ZDHHC17: variants seen among roughly 807,000 people sequenced by gnomAD.
The protein encoded by ZDHHC17 is palmitoyltransferase ZDHHC17.
A neutral mutation model predicts 90.3 loss-of-function variants in ZDHHC17; 40 were observed. The observed-to-expected ratio is 0.44, with a 90% confidence interval of 0.34 to 0.58. The LOEUF is 0.58. Among genes scored for constraint, ZDHHC17 ranks in the 20% least tolerant of loss-of-function variants. The pLI, the probability that ZDHHC17 is intolerant of heterozygous loss-of-function variation, is 0.01. For missense variants in ZDHHC17, 614 were observed against 780.8 expected, an observed-to-expected ratio of 0.79 and a Z score of 2.55; for synonymous variants, 235 against 252.4, an observed-to-expected ratio of 0.93 and a Z score of 0.65.
At chr12:76,777,529 T>C (rs188991651) in intron 1 of ZDHHC17, among the ~76,000 whole-genome samples, 1 of 152,326 alleles carries the variant, frequency 6.6e-6, no homozygotes, top group African/African-American at 2.4e-5. Flanking sequence ...ACATAAATTT[T>C]GATTCTTCTG....
chr12:76,772,836 C>T (rs970508122), intron 1 of ZDHHC17, among the ~76,000 whole-genome samples: 1 of 151,882 alleles, frequency 6.6e-6, no homozygotes, highest in African/African-American at 2.4e-5. Flanking sequence ...TGAGCCACCG[C>T]GCCCGGCCTT....
At chr12:76,816,202 A>AT (rs1161636370) in intron 7 of ZDHHC17, among the ~76,000 whole-genome samples, 183 bp downstream of exon 7, 2 of 151,878 alleles carry the variant, frequency 1.3e-5, no homozygotes, top group African/African-American at 2.4e-5. Flanking sequence ...TTATTGTCTT[A>AT]TTTTTTTAAA....
intron 1 of ZDHHC17, among the ~76,000 whole-genome samples, chr12:76,787,586 C>A (rs1409552197): frequency 6.6e-6 from 1 of 151,424 alleles, no homozygotes; most frequent in Admixed American, 6.6e-5. Flanking sequence ...ATGCCATCGG[C>A]CATAGAGTGA....
At chr12:76,765,090 G>A (rs926109225) in intron 1 of ZDHHC17, among the ~76,000 whole-genome samples, 3 of 152,224 alleles carry the variant, frequency 2.0e-5, no homozygotes, top group African/African-American at 7.2e-5. Flanking sequence ...GCTAGTGCTA[G>A]TTAAGGCTTG....
intron 1 of ZDHHC17, among the ~76,000 whole-genome samples, chr12:76,773,759 A>G (rs1346563660): frequency 6.6e-6 from 1 of 152,182 alleles, no homozygotes; most frequent in Non-Finnish European, 1.5e-5. Context: ...GAAAAACTTT[A>G]TTAGAGTTAA....
chr12:76,768,841 T>C (rs958778221), intron 1 of ZDHHC17, among the ~76,000 whole-genome samples: 1 of 152,246 alleles, frequency 6.6e-6, no homozygotes, highest in Non-Finnish European at 1.5e-5. Context: ...GCCTAGATTA[T>C]CTAGGGCTTT....
At chr12:76,809,991 G>A in intron 5 of ZDHHC17, 134 bp downstream of exon 5, 1 of 904,164 alleles carries the variant, frequency 1.1e-6, no homozygotes, top group Non-Finnish European at 1.6e-6. Context: ...TAAATATAGT[G>A]AGTTTGATAT....
At chr12:76,850,584 GAAAGTAT>G (rs1953552688) in intron 16 of ZDHHC17, among the ~76,000 whole-genome samples, 1 of 152,008 alleles carries the variant, frequency 6.6e-6, no homozygotes, top group Non-Finnish European at 1.5e-5. Flanking sequence ...ATATAACACA[GAAAGTAT>G]ATGCACATTT....
At chr12:76,834,695 T>G (rs1316475416) in intron 10 of ZDHHC17, among the ~76,000 whole-genome samples, 2 of 152,214 alleles carry the variant, frequency 1.3e-5, no homozygotes, top group African/African-American at 4.8e-5. Context: ...ATTCTATAAT[T>G]TACATTCTCA....
In ZDHHC17 at chr12:76,775,141, A is replaced by G. The variant is rs572109518; in HGVS notation, c.93+10812A>G. Reference sequence around the variant, plus strand: ...CTTTGTGGTTATTCCTGATAGCACAATTGTACACCTGCTGCCCCCATTTCA... The same window carrying G: ...CTTTGTGGTTATTCCTGATAGCACAGTTGTACACCTGCTGCCCCCATTTCA... On this transcript the variant is annotated intron_variant, in intron 1 of 16. Coordinates refer to ENST00000426126, the MANE Select transcript of ZDHHC17 (RefSeq NM_015336.4). Among the ~76,000 whole-genome samples, 30 of 152,300 alleles carry G rather than the reference A, an allele frequency of 2.0e-4. 1 individual carries two copies. The highest frequency in any genetic ancestry group is 1.6e-3 in the Admixed American group (25 of 15,284).
intron 8 of ZDHHC17, among the ~76,000 whole-genome samples, chr12:76,825,720 A>G (rs1953222621): frequency 6.6e-6 from 1 of 152,136 alleles, no homozygotes; most frequent in Admixed American, 6.5e-5. Context: ...AGCTGATAGT[A>G]TGAAAGGGGT....
At chr12:76,801,728 C>T (rs1952894033) in intron 2 of ZDHHC17, among the ~76,000 whole-genome samples, 2 of 152,068 alleles carry the variant, frequency 1.3e-5, no homozygotes, top group Non-Finnish European at 2.9e-5. Flanking sequence ...AGATTAATGC[C>T]AATAACTTAA....
chr12:76,772,824 C>T (rs972031700), intron 1 of ZDHHC17, among the ~76,000 whole-genome samples: 23 of 151,656 alleles, frequency 1.5e-4, no homozygotes, highest in Admixed American at 3.9e-4. Context: ...GGATTACAGG[C>T]GTGAGCCACC....
chr12:76,843,058 G>A (rs756821217), intron 12 of ZDHHC17, 77 bp downstream of exon 12: 2 of 1,110,820 alleles, frequency 1.8e-6, no homozygotes, highest in Non-Finnish European at 2.6e-6. Flanking sequence ...ATGGGGTGTG[G>A]GGAAAAGGAA....
At chr12:76,797,848 G>A (rs1952839633) in intron 2 of ZDHHC17, among the ~76,000 whole-genome samples, 1 of 151,992 alleles carries the variant, frequency 6.6e-6, no homozygotes, top group Admixed American at 6.6e-5. Context: ...GGAGGCTGAG[G>A]CGGGAGAATC....
chr12:76,827,883 A>G (rs1291398553), intron 9 of ZDHHC17, among the ~76,000 whole-genome samples: 4 of 152,096 alleles, frequency 2.6e-5, no homozygotes, highest in African/African-American at 9.7e-5. Context: ...TTTTTCCCCA[A>G]TTTTAAGTAT....
Position 76,826,927 on chromosome 12 carries a change from T to A in ZDHHC17, c.917T>A (p.Met306Lys). 1 of 1,511,654 alleles carries A rather than the reference T, an allele frequency of 6.6e-7. No homozygotes were observed. The highest frequency in any genetic ancestry group is 8.8e-7 in the Non-Finnish European group (1 of 1,142,230). 93.6% of individuals were successfully genotyped at this position (1,511,654 alleles called of 1,614,324 possible). Residue 306 changes from methionine (M) to lysine (K), a missense_variant, in exon 9 of 17, where the codon ATG (methionine) becomes AAG (lysine). Physicochemically the swap from Met to Lys is moderately conservative, Grantham distance 95. Transcript: ENST00000426126. Reference protein sequence around the residue: ...KADKEFRQKVMLGTPFLVIWL... With the variant: ...KADKEFRQKVKLGTPFLVIWL... ...ATACAGGAATTTCGGCAGAAAGTAA[T>A]GTTAGGAACTCCTTTCCTAGTTATT...
rs758530311 is a variant in ZDHHC17, at chr12:76,842,074, A to G, written c.1234A>G (p.Ile412Val). ...FGKSWKSDPG[I>V]IKATEEQKKK... The stretch of plus-strand genomic sequence containing the variant: ...AAAATCTTGGAAATCAGATCCAGGG[A>G]TTATTAAAGCAACAGAAGAGCAAAA... Residue 412 changes from isoleucine to valine, a missense_variant, in exon 11 of 17, where the codon ATT (isoleucine) becomes GTT (valine). Around this residue, in one of 5 missense-constraint regions of ZDHHC17, gnomAD observed 117 missense variants for 183.6 expected, o/e 0.64. Transcript: ENST00000426126. 5 of 1,592,830 alleles carry G rather than the reference A, an allele frequency of 3.1e-6. No homozygotes were observed. The highest frequency in any genetic ancestry group is 1.4e-5 in the African/African-American group (1 of 73,582).
intron 5 of ZDHHC17, among the ~76,000 whole-genome samples, chr12:76,811,389 C>T (rs1470228150): frequency 6.8e-6 from 1 of 147,556 alleles, no homozygotes; most frequent in East Asian, 1.9e-4. Context: ...TTTTTACTTT[C>T]AGTTTTTAAC....
Sources: allele counts gnomAD v4.1 joint callset (sites outside exome capture counted in the v4.1 genomes callset), GRCh38; gene constraint gnomAD v4.1.1; regional missense constraint gnomAD v4.1.1; transcripts MANE v1.5; gene names NCBI Gene and HGNC (gene_info 2026-07-23, HGNC 2026-07-21).